LNX2: variants seen among roughly 807,000 people sequenced by gnomAD.
The protein encoded by LNX2 is ligand of Numb protein X 2.
In LNX2, 35 loss-of-function variants were observed where a neutral mutation model predicts 66.2. That is an observed-to-expected ratio of 0.53 (90% CI 0.40 to 0.70). The LOEUF (loss-of-function observed/expected upper bound fraction) is 0.70, where lower values mean the gene tolerates loss of function less well. Ranked by LOEUF, LNX2 falls within the 30% of genes least tolerant of loss-of-function variation. LNX2 has a pLI of 0.00. For synonymous variants in LNX2, 337 were observed against 315.6 expected, an observed-to-expected ratio of 1.07 and a Z score of -0.72; for missense variants, 791 against 850.8, an observed-to-expected ratio of 0.93 and a Z score of 0.87.
chr13:27,555,635 A>G (rs1955050668), intron 7 of LNX2, among the ~76,000 whole-genome samples: 1 of 152,170 alleles, frequency 6.6e-6, no homozygotes, highest in Non-Finnish European at 1.5e-5. Context: ...TGCATCCATT[A>G]TGATTTAATT....
chr13:27,573,650 G>A (rs1955309781), intron 2 of LNX2, among the ~76,000 whole-genome samples: 1 of 152,080 alleles, frequency 6.6e-6, no homozygotes, highest in South Asian at 2.1e-4. Flanking sequence ...CATGCACACA[G>A]AACCCCCATG....
intron 2 of LNX2, among the ~76,000 whole-genome samples, chr13:27,575,069 A>G (rs1236132334): frequency 6.6e-6 from 1 of 152,238 alleles, no homozygotes; most frequent in East Asian, 1.9e-4. Context: ...CACTAAAAGA[A>G]GTCCATCAGG....
chr13:27,598,662 A>ACTC (rs1955624801), intron 1 of LNX2, among the ~76,000 whole-genome samples: 1 of 152,122 alleles, frequency 6.6e-6, no homozygotes, highest in Admixed American at 6.5e-5. Flanking sequence ...CCAAGACCTA[A>ACTC]AGCTAGTGAG....
intron 9 of LNX2, among the ~76,000 whole-genome samples, chr13:27,549,205 C>G (rs1954977917): frequency 6.6e-6 from 1 of 152,088 alleles, no homozygotes; most frequent in South Asian, 2.1e-4. Flanking sequence ...CTGGAGCATA[C>G]CACTCCCAAT....
intron 1 of LNX2, among the ~76,000 whole-genome samples, chr13:27,609,285 T>C (rs1955750516): frequency 6.6e-6 from 1 of 152,094 alleles, no homozygotes; most frequent in South Asian, 2.1e-4. Context: ...CCCAAGTAGC[T>C]GGAACTACAG....
At chr13:27,613,632 G>A (rs1955796459) in intron 1 of LNX2, among the ~76,000 whole-genome samples, 1 of 152,114 alleles carries the variant, frequency 6.6e-6, no homozygotes. Flanking sequence ...TCTGGGTGTG[G>A]TGGCGGGTGC....
chr13:27,553,498 C>T, intron 7 of LNX2, 59 bp from the exon 8 acceptor site: 1 of 1,334,800 alleles, frequency 7.5e-7, no homozygotes, highest in Non-Finnish European at 1.1e-6. Flanking sequence ...ACCTGCAAAT[C>T]TTGTTGTTTA....
At chr13:27,615,355 C>G (rs751633874) in intron 1 of LNX2, among the ~76,000 whole-genome samples, 1 of 152,214 alleles carries the variant, frequency 6.6e-6, no homozygotes, top group Admixed American at 6.5e-5. Flanking sequence ...GGGTGCGGAG[C>G]GTCCATGCCC....
intron 2 of LNX2, among the ~76,000 whole-genome samples, chr13:27,572,180 G>A (rs1264960927): frequency 6.6e-6 from 1 of 152,170 alleles, no homozygotes; most frequent in African/African-American, 2.4e-5. Context: ...GTTGGGGCTA[G>A]AAGGGTATTA....
At chr13:27,605,182 T>A (rs1955700779) in intron 1 of LNX2, among the ~76,000 whole-genome samples, 1 of 152,210 alleles carries the variant, frequency 6.6e-6, no homozygotes, top group African/African-American at 2.4e-5. Context: ...ACGAAGAAGT[T>A]GAAGCAGTAT....
chr13:27,584,980 T>C (rs928403563), intron 1 of LNX2, among the ~76,000 whole-genome samples: 7 of 151,440 alleles, frequency 4.6e-5, no homozygotes, highest in African/African-American at 9.7e-5. Flanking sequence ...TAGCCGGCTA[T>C]GGTGGTGGGT....
In LNX2 at chr13:27,559,965, A is replaced by G. The variant is rs761703464; in HGVS notation, c.1245T>C (p.Asn415=). 1 of 1,607,634 alleles carries G rather than the reference A, an allele frequency of 6.2e-7. No homozygotes were observed. The highest frequency in any genetic ancestry group is 8.5e-7 in the Non-Finnish European group (1 of 1,176,862). The change falls in exon 6 of 10, where the codon AAT becomes AAC. Residue 415 remains asparagine, a synonymous_variant. Transcript: ENST00000316334. ...GTTTCCCTGGTCTAGCAATTGTTAA[A>G]TTCACTCTCTCTCCACTGGCCTGGA... ...QIIQASGERV[N]LTIARPGKPQ...
At chr13:27,553,540 C>G in intron 7 of LNX2, 101 bp from the exon 8 acceptor site, 2 of 759,322 alleles carry the variant, frequency 2.6e-6, no homozygotes, top group Admixed American at 2.2e-5. Context: ...GTTCCCCCAA[C>G]TCTGATGAGA....
Position 27,556,817 on chromosome 13 carries a change from G to C in LNX2, c.1369-404C>G, listed in dbSNP as rs192960774. ...CCCCCATTTCTTTGACAGAAAAGTT[G>C]ACAGAGTAGTACAAAAGTGTAGATT... On this transcript the variant is annotated intron_variant, in intron 6 of 9. Transcript: ENST00000316334. Among the ~76,000 whole-genome samples the C allele has an allele frequency of 3.5e-4, 54 of 152,262 alleles. 1 individual carries two copies. Among genetic ancestry groups the C allele is most frequent in the Admixed American group, 3.0e-3 (46 of 15,292 alleles).
chr13:27,557,487 T>G (rs1418824028), intron 6 of LNX2, among the ~76,000 whole-genome samples: 1 of 152,108 alleles, frequency 6.6e-6, no homozygotes, highest in African/African-American at 2.4e-5. Flanking sequence ...TCCCATTAAG[T>G]GTACAGTGTA....
chr13:27,547,981 C>T lies in LNX2; in HGVS notation c.*354G>A, dbSNP rs922306342. On this transcript the variant is annotated 3_prime_UTR_variant, in exon 10 of 10. Transcript: ENST00000316334. ...CATCAGGCCTGAGGGATACAGAACT[C>T]GTTCTATGATTCAGTTACTGAAAAC... 13 of 238,476 alleles carry T rather than the reference C, an allele frequency of 5.5e-5. No homozygotes were observed. Among genetic ancestry groups the T allele is most frequent in the Non-Finnish European group, 9.9e-5 (12 of 121,500 alleles). The allele number at this position is 238,476 out of a possible 1,614,324, so 14.8% of individuals were successfully genotyped here.
chr13:27,587,552 C>T (rs1364553016), intron 1 of LNX2, among the ~76,000 whole-genome samples: 1 of 152,076 alleles, frequency 6.6e-6, no homozygotes, highest in Non-Finnish European at 1.5e-5. Context: ...TGTGGCACTT[C>T]AAAGGAATCA....
rs1217768472 is a variant in LNX2 at position 27,559,935 on chromosome 13, C to G, written c.1275G>C (p.Gln425His). ...CTGCTTCTCTAATGGTGTTACCAGGCTGGGGTTTCCCTGGTCTAGCAATTG... is the reference window on the plus strand; with the variant it reads ...CTGCTTCTCTAATGGTGTTACCAGGGTGGGGTTTCCCTGGTCTAGCAATTG... ...NLTIARPGKP[Q>H]PGNTIREAGN... Residue 425 changes from glutamine to histidine, a missense_variant, in exon 6 of 10, where the codon CAG becomes CAC. Physicochemically the swap from Gln to His is conservative, Grantham distance 24 (BLOSUM62 0). Coordinates refer to ENST00000316334, the MANE Select transcript of LNX2 (RefSeq NM_153371.4). The G allele has an allele frequency of 1.2e-6, 2 of 1,611,248 alleles. No individual in the cohort carries two copies. The highest frequency in any genetic ancestry group is 3.3e-5 in the Admixed American group (2 of 59,914).
At chr13:27,590,183 G>A (rs1955532381) in intron 1 of LNX2, among the ~76,000 whole-genome samples, 1 of 151,986 alleles carries the variant, frequency 6.6e-6, no homozygotes, top group Admixed American at 6.6e-5. Context: ...TTAGCCAAAA[G>A]TGCTATTTAG....
Sources: gnomAD v4.1 joint callset for allele counts (sites outside exome capture counted in the v4.1 genomes callset) on GRCh38, gnomAD v4.1.1 for gene constraint, MANE v1.5 for transcripts, NCBI Gene and HGNC (gene_info 2026-07-23, HGNC 2026-07-21) for gene names.